Variants in CORO2A observed in about 807,000 individuals in gnomAD.
CORO2A encodes the protein coronin 2A.
In CORO2A, 47 loss-of-function variants were observed where a neutral mutation model predicts 62.4. The ratio of observed to expected loss-of-function variants is 0.75; its 90% CI spans 0.60 to 0.96. The LOEUF is 0.96. Among genes scored for constraint, CORO2A ranks in the 40% least tolerant of loss-of-function variants. CORO2A has a pLI of 0.00. For missense variants in CORO2A, 610 were observed against 684.1 expected (o/e 0.89, Z 1.21); for synonymous variants, 273 against 268.9 (o/e 1.02, Z -0.15).
chr9:98,148,022 G>C lies in CORO2A; in HGVS notation c.201+9438C>G, dbSNP rs909219774. ...GGCACTTTGGGAGGCTGAGGCAAGAGGATCACTTGAGCTCAGGAGTTTGAG... is the reference window on the plus strand; with the variant it reads ...GGCACTTTGGGAGGCTGAGGCAAGACGATCACTTGAGCTCAGGAGTTTGAG... On this transcript the variant is annotated intron_variant, in intron 2 of 11. Coordinates refer to ENST00000375077, the MANE Select transcript of CORO2A (RefSeq NM_052820.4). 8.6e-5 allele frequency among the ~76,000 whole-genome samples: 13 copies of C among 150,922 alleles called. No individual in the cohort carries two copies. The Admixed American group carries it at 8.6e-4, about 10-fold the overall frequency.
intron 2 of CORO2A, among the ~76,000 whole-genome samples, chr9:98,156,335 C>T (rs950077022): frequency 1.3e-5 from 2 of 152,092 alleles, no homozygotes; most frequent in East Asian, 1.9e-4. Flanking sequence ...CCACTGTACC[C>T]GGCTCTAACT....
chr9:98,148,149 C>A (rs889375702), intron 2 of CORO2A, among the ~76,000 whole-genome samples: 2 of 150,340 alleles, frequency 1.3e-5, no homozygotes, highest in South Asian at 2.1e-4. Context: ...AATCCCAGCT[C>A]TTTGGGAGGC....
At chr9:98,128,511 A>G in intron 9 of CORO2A, 96 bp downstream of exon 9, 1 of 1,110,196 alleles carries the variant, frequency 9.0e-7, no homozygotes. Flanking sequence ...TGCCCCATGA[A>G]CGTGGGCTCC....
chr9:98,156,694 A>G (rs1827806879), intron 2 of CORO2A, among the ~76,000 whole-genome samples: 1 of 152,074 alleles, frequency 6.6e-6, no homozygotes, highest in South Asian at 2.1e-4. Context: ...TAAGTCTGCT[A>G]TTTGTGTTTC....
At chr9:98,187,764 G>A (rs1399721992) in intron 1 of CORO2A, among the ~76,000 whole-genome samples, 1 of 152,094 alleles carries the variant, frequency 6.6e-6, no homozygotes. Context: ...CAACATATGA[G>A]CTTTGGAGGA....
At chr9:98,188,530 C>T (rs1457942115) in intron 1 of CORO2A, among the ~76,000 whole-genome samples, 1 of 151,978 alleles carries the variant, frequency 6.6e-6, no homozygotes, top group Non-Finnish European at 1.5e-5. Context: ...TTTGGGAGGC[C>T]GAGACAAGCG....
intron 1 of CORO2A, among the ~76,000 whole-genome samples, chr9:98,165,066 T>TCAACCTCCTGGGCC (rs1564213634): frequency 6.6e-6 from 1 of 151,864 alleles, no homozygotes; most frequent in Non-Finnish European, 1.5e-5. Context: ...CCTCCTGGGC[T>TCAACCTCCTGGGCC]TGCGCAATCC....
rs1382482705 is a variant in CORO2A at position 98,134,790 on chromosome 9, G to C, written c.468+16C>G. On this transcript the variant is annotated intron_variant, in intron 4 of 11. Coordinates refer to ENST00000375077, the MANE Select transcript of CORO2A (RefSeq NM_052820.4). ...ACTTGTTGGGGCTGCCCCAGAGAAA[G>C]AATACCCAGACTCACCTTGTAGTCA... 1.3e-6 allele frequency: 2 copies of C among 1,592,884 alleles called. No homozygotes were observed. Among genetic ancestry groups the C allele is most frequent in the Admixed American group, 1.7e-5 (1 of 57,384 alleles).
intron 1 of CORO2A, among the ~76,000 whole-genome samples, chr9:98,177,845 T>A (rs539916354): frequency 2.7e-4 from 41 of 152,122 alleles, no homozygotes; most frequent in African/African-American, 9.2e-4. Context: ...CAGAGTGAGA[T>A]TCATCACTAA....
chr9:98,144,654 G>C (rs1206670161), intron 2 of CORO2A, among the ~76,000 whole-genome samples: 7 of 152,196 alleles, frequency 4.6e-5, no homozygotes. Context: ...CTCCCTGGAG[G>C]AGGAGGACTT....
At chr9:98,150,873 G>A (rs913346612) in intron 2 of CORO2A, among the ~76,000 whole-genome samples, 1 of 152,034 alleles carries the variant, frequency 6.6e-6, no homozygotes, top group African/African-American at 2.4e-5. Flanking sequence ...TCCCTAGCTC[G>A]AAACATTCTC....
At chr9:98,145,413 A>G (rs189546131) in intron 2 of CORO2A, among the ~76,000 whole-genome samples, 1 of 152,224 alleles carries the variant, frequency 6.6e-6, no homozygotes, top group East Asian at 1.9e-4. Flanking sequence ...AAGACAGAGG[A>G]CCCATTCCTT....
chr9:98,132,106 CTAAA>C, intron 6 of CORO2A, 75 bp downstream of exon 6: 1 of 1,074,266 alleles, frequency 9.3e-7, no homozygotes, highest in East Asian at 2.4e-5. Flanking sequence ...AAATGGGTGT[CTAAA>C]TGAATGCATG....
chr9:98,149,803 C>T (rs879049713), intron 2 of CORO2A, among the ~76,000 whole-genome samples: 1 of 152,148 alleles, frequency 6.6e-6, no homozygotes, highest in Admixed American at 6.6e-5. Context: ...GATCTGGATT[C>T]CTAGGAGTCT....
chr9:98,122,255 T>G lies in CORO2A; in HGVS notation c.*2519A>C, dbSNP rs1172956455. On this transcript the variant is annotated 3_prime_UTR_variant, in exon 12 of 12. Coordinates refer to ENST00000375077, the MANE Select transcript of CORO2A (RefSeq NM_052820.4). ...ATGCAGTCTTCCATCTTCACTGTAC[T>G]GCAGATCACCTGTGGAGCTTATATG... The G allele has an allele frequency of 1.3e-5, 2 of 152,186 alleles. No homozygotes were observed. The allele number at this position is 152,186 out of a possible 1,614,324, so 9.4% of individuals were successfully genotyped here.
At chr9:98,184,074 T>C (rs1014416467) in intron 1 of CORO2A, among the ~76,000 whole-genome samples, 5 of 152,208 alleles carry the variant, frequency 3.3e-5, no homozygotes, top group African/African-American at 4.8e-5. Context: ...GTAGGTTACA[T>C]GTAAACACTA....
At chr9:98,178,978 C>T (rs1828143050) in intron 1 of CORO2A, among the ~76,000 whole-genome samples, 1 of 152,200 alleles carries the variant, frequency 6.6e-6, no homozygotes, top group African/African-American at 2.4e-5. Context: ...ATGCAAATCT[C>T]TAGGCCTTGA....
chr9:98,140,105 A>G (rs1249449563), intron 2 of CORO2A, among the ~76,000 whole-genome samples: 3 of 152,160 alleles, frequency 2.0e-5, no homozygotes, highest in African/African-American at 7.2e-5. Context: ...ACCAGGACCC[A>G]GGCCCTCGAC....
Position 98,127,608 on chromosome 9 carries a change from T to G in CORO2A, c.1171+562A>C, listed in dbSNP as rs138008215. ...AGGTGGATCACTTGAGGTCAAGAGT[T>G]TGAGACCAGCCTGGCCAACATGGCA... On this transcript the variant is annotated intron_variant, in intron 10 of 11. Coordinates refer to ENST00000375077, the MANE Select transcript of CORO2A (RefSeq NM_052820.4). Among the ~76,000 whole-genome samples, 759 of 152,112 alleles carry G rather than the reference T, an allele frequency of 5.0e-3. 4 individuals carry two copies. Among genetic ancestry groups the G allele is most frequent in the African/African-American group, 0.017 (696 of 41,484 alleles).
Sources: allele counts gnomAD v4.1 joint callset (sites outside exome capture counted in the v4.1 genomes callset), GRCh38; gene constraint gnomAD v4.1.1; transcripts MANE v1.5; gene names NCBI Gene and HGNC (gene_info 2026-07-23, HGNC 2026-07-21).